DIAPH3: variants seen among roughly 807,000 people sequenced by gnomAD.
DIAPH3 encodes the protein diaphanous related formin 3, also known as protein diaphanous homolog 3.
DIAPH3 carries 117 observed loss-of-function variants against 144.3 expected under a neutral mutation model. The ratio of observed to expected loss-of-function variants is 0.81; its 90% CI spans 0.70 to 0.95. The LOEUF (loss-of-function observed/expected upper bound fraction) is 0.95. DIAPH3 is among the 40% of genes least tolerant of loss of function. The probability of loss-of-function intolerance (pLI) is 0.00; values close to 1 mark genes in which losing one functional copy is unlikely to be tolerated. For synonymous variants in DIAPH3, 519 were observed against 488.9 expected (o/e 1.06, Z -0.81); for missense variants, 1,421 against 1,412.7 (o/e 1.01, Z -0.09).
chr13:59,759,768 A>T (rs1403971783), intron 27 of DIAPH3, among the ~76,000 whole-genome samples: 5 of 152,010 alleles, frequency 3.3e-5, no homozygotes, highest in African/African-American at 1.2e-4. Context: ...ACATGGTGAC[A>T]CCCCATCTCT....
chr13:59,830,768 AGTG>A (rs541914803), intron 24 of DIAPH3, among the ~76,000 whole-genome samples: 49 of 152,106 alleles, frequency 3.2e-4, no homozygotes, highest in Non-Finnish European at 7.1e-4. Context: ...AAAAAGAAAA[AGTG>A]GTCATTTTTT....
chr13:59,781,806 T>C (rs1470173928), intron 25 of DIAPH3, among the ~76,000 whole-genome samples: 4 of 152,166 alleles, frequency 2.6e-5, no homozygotes, highest in Non-Finnish European at 1.5e-5. Flanking sequence ...TCCAATGTAA[T>C]GGTATTAAAA....
At chr13:59,910,660 C>G (rs1376902283) in intron 20 of DIAPH3, among the ~76,000 whole-genome samples, 1 of 150,090 alleles carries the variant, frequency 6.7e-6, no homozygotes, top group African/African-American at 2.5e-5. Context: ...ACCTGGGAGG[C>G]GCAGGTTTTG....
chr13:59,767,366 A>T (rs1201254972), intron 27 of DIAPH3, among the ~76,000 whole-genome samples: 1 of 152,200 alleles, frequency 6.6e-6, no homozygotes, highest in Admixed American at 6.5e-5. Context: ...AACACATAGA[A>T]ACAGAGACAA....
intron 7 of DIAPH3, among the ~76,000 whole-genome samples, chr13:60,011,622 A>C (rs2053274283): frequency 6.6e-6 from 1 of 152,184 alleles, no homozygotes; most frequent in African/African-American, 2.4e-5. Context: ...AATTCAGACT[A>C]GCCACACTTC....
chr13:59,994,948 C>T (rs2052097993), intron 9 of DIAPH3, among the ~76,000 whole-genome samples: 1 of 151,696 alleles, frequency 6.6e-6, no homozygotes, highest in Non-Finnish European at 1.5e-5. Flanking sequence ...AGTTCAGAAG[C>T]TGTTGTAGAA....
chr13:60,143,328 A>G (rs1281271158), intron 1 of DIAPH3, among the ~76,000 whole-genome samples: 1 of 152,006 alleles, frequency 6.6e-6, no homozygotes, highest in Non-Finnish European at 1.5e-5. Flanking sequence ...CTGGGATAAG[A>G]CTCACCTGGA....
In DIAPH3 at chr13:60,115,367, T is replaced by G. The variant is rs187427305; in HGVS notation, c.214-3181A>C. Among the ~76,000 whole-genome samples, 166 of 152,294 alleles carry G rather than the reference T, an allele frequency of 1.1e-3. 2 individuals are homozygous for G. The highest frequency in any genetic ancestry group is 0.011 in the Admixed American group (165 of 15,298). On this transcript the variant is annotated intron_variant, in intron 2 of 27. Transcript: ENST00000400324. ...TTGCACTAAACACGATGAAAAATAC[T>G]CAAGAACTGCAAGAGATCAGTTTTT...
chr13:60,066,895 T>C (rs549144479), intron 4 of DIAPH3, among the ~76,000 whole-genome samples: 1 of 152,348 alleles, frequency 6.6e-6, no homozygotes, highest in Admixed American at 6.5e-5. Context: ...CCAAAATGTA[T>C]CAAAGTGACA....
chr13:59,692,400 A>C, intron 27 of DIAPH3, among the ~76,000 whole-genome samples: 1 of 145,226 alleles, frequency 6.9e-6, no homozygotes. Context: ...TCCCTGACTG[A>C]CACCCCCAAC....
intron 22 of DIAPH3, among the ~76,000 whole-genome samples, chr13:59,842,278 A>T (rs2042392439): frequency 6.6e-6 from 1 of 152,094 alleles, no homozygotes; most frequent in South Asian, 2.1e-4. Context: ...CCACATACTT[A>T]AAATACTTAG....
intron 3 of DIAPH3, among the ~76,000 whole-genome samples, chr13:60,106,137 G>A (rs2138020803): frequency 6.6e-6 from 1 of 152,194 alleles, no homozygotes. Flanking sequence ...CGGTTCACCT[G>A]AGCCCTTCTT....
At chr13:60,008,788 A>C in intron 8 of DIAPH3, 139 bp from the exon 9 acceptor site, 1 of 683,504 alleles carries the variant, frequency 1.5e-6, no homozygotes, top group Non-Finnish European at 2.6e-6. Flanking sequence ...CATACCATGT[A>C]TCAAGCACAG....
At chr13:59,775,566 G>A (rs189822822) in intron 25 of DIAPH3, among the ~76,000 whole-genome samples, 1 of 152,272 alleles carries the variant, frequency 6.6e-6, no homozygotes, top group Admixed American at 6.5e-5. Flanking sequence ...TGTTGTTACT[G>A]AGATTCTGCT....
chr13:60,061,868 G>T (rs535956693), intron 4 of DIAPH3, among the ~76,000 whole-genome samples: 281 of 152,168 alleles, frequency 1.8e-3, no homozygotes, highest in Non-Finnish European at 3.4e-3. Context: ...TCCGGGGGGT[G>T]AGGGGGAGAA....
chr13:60,035,556 T>C (rs1006002853), intron 5 of DIAPH3, among the ~76,000 whole-genome samples: 3 of 152,216 alleles, frequency 2.0e-5, no homozygotes, highest in African/African-American at 7.2e-5. Flanking sequence ...ATTTTTTCAT[T>C]AATATTTCAT....
chr13:60,039,407 G>A (rs2055469354), intron 5 of DIAPH3, among the ~76,000 whole-genome samples: 1 of 151,936 alleles, frequency 6.6e-6, no homozygotes, highest in Non-Finnish European at 1.5e-5. Flanking sequence ...AGGTTCAAGG[G>A]ATTCTCGTGC....
rs1475973818 is a variant in DIAPH3 at position 59,757,352 on chromosome 13, G to A, written c.3319+16837C>T. ...TAAAAAAAAATTGAAAAACATAAAA[G>A]CCAAACCCTACCTAGGAAAGCTAGT... On this transcript the variant is annotated intron_variant, in intron 27 of 27. Coordinates refer to ENST00000400324, the MANE Select transcript of DIAPH3 (RefSeq NM_001042517.2). 2.2e-5 allele frequency among the ~76,000 whole-genome samples: 3 copies of A among 137,106 alleles called. No individual in the cohort carries two copies. In the East Asian group the frequency reaches 7.2e-4, roughly 33 times the overall value. 89.9% of individuals were successfully genotyped at this position (137,106 alleles called of 152,430 possible).
At chr13:59,983,336 C>T (rs1470829450) in intron 13 of DIAPH3, among the ~76,000 whole-genome samples, 1 of 151,270 alleles carries the variant, frequency 6.6e-6, no homozygotes, top group Non-Finnish European at 1.5e-5. Flanking sequence ...AGGCACTGGT[C>T]ATATGCAGCA....
Sources: gnomAD v4.1 joint callset for allele counts (sites outside exome capture counted in the v4.1 genomes callset) on GRCh38, gnomAD v4.1.1 for gene constraint, MANE v1.5 for transcripts, NCBI Gene and HGNC (gene_info 2026-07-23, HGNC 2026-07-21) for gene names.